The following ROBO1 variants were observed in gnomAD, a reference collection of about 807,000 sequenced individuals.
The protein encoded by ROBO1 is roundabout guidance receptor 1.
Under a neutral mutation model 195.9 loss-of-function variants are expected in ROBO1, and 149 were observed. That is an observed-to-expected ratio of 0.76 (90% CI 0.67 to 0.87). The LOEUF (loss-of-function observed/expected upper bound fraction) is 0.87. ROBO1 is among the 40% of genes least tolerant of loss of function. The pLI is 0.00. For synonymous variants in ROBO1, 816 were observed against 733.2 expected (o/e 1.11, Z -1.82); for missense variants, 1,933 against 2,068.3 (o/e 0.93, Z 1.27).
intron 4 of ROBO1, among the ~76,000 whole-genome samples, chr3:78,829,778 G>T (rs2031980897): frequency 6.6e-6 from 1 of 152,146 alleles, no homozygotes; most frequent in South Asian, 2.1e-4. Flanking sequence ...GAGAAATACT[G>T]GTTAGAAGTT....
At chr3:79,040,922 T>C (rs912333441) in intron 3 of ROBO1, among the ~76,000 whole-genome samples, 1 of 152,190 alleles carries the variant, frequency 6.6e-6, no homozygotes, top group African/African-American at 2.4e-5. Context: ...CTCTTCACAG[T>C]CTGACTCTTC....
At chr3:79,454,723 T>C (rs1170424633) in intron 2 of ROBO1, among the ~76,000 whole-genome samples, 2 of 152,198 alleles carry the variant, frequency 1.3e-5, no homozygotes, top group Non-Finnish European at 2.9e-5. Context: ...TCTCTTTTTT[T>C]TGTTTCAAAT....
At position 79,718,342 on chromosome 3, in the gene ROBO1, T is replaced by C. The variant is rs531058601; in HGVS notation, c.-51+49410A>G. 3.3e-5 allele frequency among the ~76,000 whole-genome samples: 5 copies of C among 152,148 alleles called. No individual in the cohort carries two copies. The South Asian group carries it at 1.0e-3, about 31-fold the overall frequency. ...AAACAACTTAAGCATTGAGAAATAATATTTTCTAACATTGTATATCGCTCC... is the reference window on the plus strand; with the variant it reads ...AAACAACTTAAGCATTGAGAAATAACATTTTCTAACATTGTATATCGCTCC... On this transcript the variant is annotated intron_variant, in intron 1 of 30. Coordinates refer to ENST00000464233, the MANE Select transcript of ROBO1 (RefSeq NM_002941.4).
chr3:79,145,827 C>T (rs1244609494), intron 2 of ROBO1, among the ~76,000 whole-genome samples: 1 of 151,914 alleles, frequency 6.6e-6, no homozygotes, highest in South Asian at 2.1e-4. Flanking sequence ...AGTAAAATAA[C>T]ACGAATTAAA....
chr3:79,516,904 C>T (rs938996063), intron 2 of ROBO1, among the ~76,000 whole-genome samples: 32 of 152,080 alleles, frequency 2.1e-4, no homozygotes, highest in African/African-American at 6.5e-4. Flanking sequence ...CTATTGCCTT[C>T]CTGTAAGGCA....
chr3:79,319,547 T>G (rs990795537), intron 2 of ROBO1, among the ~76,000 whole-genome samples: 59 of 152,110 alleles, frequency 3.9e-4, no homozygotes, highest in African/African-American at 1.4e-3. Flanking sequence ...AATTAATGCA[T>G]TAAAACCTAA....
intron 1 of ROBO1, among the ~76,000 whole-genome samples, chr3:79,697,524 C>T (rs2107131831): frequency 6.6e-6 from 1 of 151,296 alleles, no homozygotes. Context: ...AGCATATAGA[C>T]ATTATGGCCT....
At chr3:78,670,037 G>A (rs1428524896) in intron 11 of ROBO1, 59 bp downstream of exon 11, 1 of 1,362,234 alleles carries the variant, frequency 7.3e-7, no homozygotes, top group Non-Finnish European at 1.0e-6. Flanking sequence ...AATGCCAGTT[G>A]TTGGAGGCAG....
At position 78,597,664 on chromosome 3, in the gene ROBO1, T is replaced by TAGAG. The variant is rs1057385703; in HGVS notation, c.*1245_*1248dup. On this transcript the variant is annotated 3_prime_UTR_variant, in exon 31 of 31. Coordinates refer to ENST00000464233, the MANE Select transcript of ROBO1 (RefSeq NM_002941.4). The stretch of plus-strand genomic sequence containing the variant: ...AATTGAAAGCAAGTAATGCCTCTAT[T>TAGAG]AGAGATTTTAAGGAAATCTTGTAGG... 2 of 152,278 alleles carry TAGAG rather than the reference T, an allele frequency of 1.3e-5. No homozygotes were observed. The highest frequency in any genetic ancestry group is 1.9e-4 in the East Asian group (1 of 5,194). 9.4% of individuals were successfully genotyped at this position (152,278 alleles called of 1,614,324 possible).
chr3:78,758,261 T>C (rs2082990971), intron 4 of ROBO1, among the ~76,000 whole-genome samples: 1 of 152,206 alleles, frequency 6.6e-6, no homozygotes, highest in South Asian at 2.1e-4. Context: ...GGCTCACGCC[T>C]GTAATCCCTG....
intron 2 of ROBO1, among the ~76,000 whole-genome samples, chr3:79,483,438 T>C (rs538690623): frequency 1.3e-5 from 2 of 152,136 alleles, no homozygotes; most frequent in African/African-American, 4.8e-5. Flanking sequence ...TGCATTCGGA[T>C]GAAAATGCAG....
chr3:78,691,673 C>T lies in ROBO1; in HGVS notation c.1046-2901G>A, dbSNP rs575869530. On this transcript the variant is annotated intron_variant, in intron 8 of 30. Coordinates refer to ENST00000464233, the MANE Select transcript of ROBO1 (RefSeq NM_002941.4). ...TATTAATAAGTATAGCTAAACCATGCTCAGGAATGTTTTTGATCAACTGAT... is the reference window on the plus strand; with the variant it reads ...TATTAATAAGTATAGCTAAACCATGTTCAGGAATGTTTTTGATCAACTGAT... Among the ~76,000 whole-genome samples the T allele has an allele frequency of 2.6e-5, 4 of 152,262 alleles. No homozygotes were observed. In the South Asian group the frequency reaches 8.3e-4, roughly 32 times the overall value.
intron 2 of ROBO1, among the ~76,000 whole-genome samples, chr3:79,391,982 G>C (rs747543733): frequency 6.6e-6 from 1 of 152,220 alleles, no homozygotes; most frequent in Admixed American, 6.5e-5. Flanking sequence ...ATATAAAGAC[G>C]TGATGCCTTC....
At chr3:78,614,569 G>T in intron 28 of ROBO1, 79 bp downstream of exon 28, 12 of 1,421,758 alleles carry the variant, frequency 8.4e-6, no homozygotes, top group Non-Finnish European at 1.1e-5. Flanking sequence ...TAACGTCAGT[G>T]AATGCATTTG....
At chr3:79,601,839 T>C (rs1944348529) in intron 1 of ROBO1, among the ~76,000 whole-genome samples, 1 of 152,024 alleles carries the variant, frequency 6.6e-6, no homozygotes, top group Non-Finnish European at 1.5e-5. Context: ...CTTGAATGTG[T>C]ATGAAAACCT....
intron 2 of ROBO1, among the ~76,000 whole-genome samples, chr3:79,179,091 A>G (rs2081300579): frequency 6.6e-6 from 1 of 152,126 alleles, no homozygotes; most frequent in South Asian, 2.1e-4. Flanking sequence ...CTGACATCAG[A>G]TGGGCTTTTC....
intron 1 of ROBO1, among the ~76,000 whole-genome samples, chr3:79,630,421 G>A (rs1173196545): frequency 1.3e-5 from 2 of 151,926 alleles, no homozygotes; most frequent in East Asian, 1.9e-4. Context: ...TGCAGAAAAG[G>A]CATGCAGTAA....
chr3:79,408,523 T>C (rs2037640788), intron 2 of ROBO1, among the ~76,000 whole-genome samples: 1 of 152,100 alleles, frequency 6.6e-6, no homozygotes. Context: ...ATATATGATA[T>C]AAAGTTAGAT....
chr3:78,984,962 G>A (rs2077073191), intron 3 of ROBO1, among the ~76,000 whole-genome samples: 1 of 152,170 alleles, frequency 6.6e-6, no homozygotes, highest in Non-Finnish European at 1.5e-5. Context: ...TACTCATTGT[G>A]AAGATGAGGA....
Sources: allele counts gnomAD v4.1 joint callset (sites outside exome capture counted in the v4.1 genomes callset), GRCh38; gene constraint gnomAD v4.1.1; transcripts MANE v1.5; gene names NCBI Gene and HGNC (gene_info 2026-07-23, HGNC 2026-07-21).